Variants in PPM1H observed in about 807,000 individuals in gnomAD.
PPM1H encodes protein phosphatase, Mg2+/Mn2+ dependent 1H.
In PPM1H, 27 loss-of-function variants were observed where a neutral mutation model predicts 54.9. The observed-to-expected ratio is 0.49, with a 90% CI of 0.36 to 0.68. PPM1H has a LOEUF of 0.68. Ranked by LOEUF, PPM1H falls within the 30% of genes least tolerant of loss-of-function variation. The probability of loss-of-function intolerance (pLI) is 0.00; values close to 1 mark genes in which losing one functional copy is unlikely to be tolerated. For synonymous variants in PPM1H, 305 were observed against 270.8 expected (o/e 1.13, Z -1.24); for missense variants, 596 against 667.8 (o/e 0.89, Z 1.19).
At chr12:62,823,544 T>C (rs1365532442) in intron 2 of PPM1H, among the ~76,000 whole-genome samples, 2 of 152,186 alleles carry the variant, frequency 1.3e-5, no homozygotes, top group African/African-American at 2.4e-5. Context: ...AAAAAGCTTA[T>C]CCACCATGAT....
chr12:62,792,581 C>T (rs1034974791), intron 3 of PPM1H, among the ~76,000 whole-genome samples: 7 of 152,208 alleles, frequency 4.6e-5, no homozygotes, highest in Non-Finnish European at 8.8e-5. Flanking sequence ...TCTCTGGGAT[C>T]ATGGTGGGAA....
intron 2 of PPM1H, among the ~76,000 whole-genome samples, chr12:62,824,457 A>G (rs2120828437): frequency 6.6e-6 from 1 of 152,354 alleles, no homozygotes; most frequent in South Asian, 2.1e-4. Context: ...ATCCTAAGCA[A>G]AAAGAACAAA....
intron 4 of PPM1H, among the ~76,000 whole-genome samples, chr12:62,737,918 G>A (rs2076359527): frequency 6.6e-6 from 1 of 152,190 alleles, no homozygotes; most frequent in African/African-American, 2.4e-5. Context: ...TGATGCAACA[G>A]AGTCTTGCTC....
At chr12:62,867,382 C>G (rs1395632962) in intron 1 of PPM1H, among the ~76,000 whole-genome samples, 1 of 151,992 alleles carries the variant, frequency 6.6e-6, no homozygotes, top group Non-Finnish European at 1.5e-5. Flanking sequence ...TTTAAACTTT[C>G]CCCTTTGATT....
chr12:62,872,714 C>T (rs1870028610), intron 1 of PPM1H, among the ~76,000 whole-genome samples: 1 of 152,078 alleles, frequency 6.6e-6, no homozygotes, highest in South Asian at 2.1e-4. Context: ...TACCCTTAGA[C>T]CAATCAGGAT....
At chr12:62,817,938 T>C (rs1243705662) in intron 2 of PPM1H, among the ~76,000 whole-genome samples, 1 of 152,176 alleles carries the variant, frequency 6.6e-6, no homozygotes, top group Non-Finnish European at 1.5e-5. Context: ...GTTATTGTAA[T>C]TAGACACTGA....
At chr12:62,707,622 T>C (rs1395098858) in intron 6 of PPM1H, among the ~76,000 whole-genome samples, 1 of 152,172 alleles carries the variant, frequency 6.6e-6, no homozygotes. Flanking sequence ...GCAGATAAAA[T>C]AGACCCTGAA....
chr12:62,750,668 C>A (rs1383789869), intron 4 of PPM1H, among the ~76,000 whole-genome samples: 2 of 152,166 alleles, frequency 1.3e-5, no homozygotes, highest in Admixed American at 6.5e-5. Context: ...GTAACCTTAA[C>A]TTTCTGAAGA....
intron 3 of PPM1H, among the ~76,000 whole-genome samples, chr12:62,792,453 T>TC (rs900436421): frequency 6.6e-6 from 1 of 152,234 alleles, no homozygotes; most frequent in African/African-American, 2.4e-5. Flanking sequence ...TACTTTTTAA[T>TC]CCAAGAAACT....
intron 1 of PPM1H, among the ~76,000 whole-genome samples, chr12:62,921,333 AAATGTCT>A (rs1366136955): frequency 1.3e-5 from 2 of 152,162 alleles, no homozygotes; most frequent in Non-Finnish European, 2.9e-5. Flanking sequence ...TTAATAGCTT[AAATGTCT>A]ATTTATCAAC....
intron 4 of PPM1H, among the ~76,000 whole-genome samples, chr12:62,774,492 C>T (rs2076598250): frequency 6.6e-6 from 1 of 152,260 alleles, no homozygotes; most frequent in African/African-American, 2.4e-5. Context: ...CAGGTGTGTG[C>T]CACCACATCT....
intron 5 of PPM1H, among the ~76,000 whole-genome samples, chr12:62,734,557 A>G (rs2076340714): frequency 2.6e-5 from 4 of 152,212 alleles, no homozygotes; most frequent in African/African-American, 4.8e-5. Flanking sequence ...CCCAAAATAT[A>G]CCGCTGACAT....
intron 4 of PPM1H, chr12:62,755,968 C>A: frequency 9.6e-7 from 1 of 1,045,632 alleles, no homozygotes; most frequent in Non-Finnish European, 1.5e-6. Context: ...GCCTGAACTG[C>A]TGTCTGGAAA....
chr12:62,753,827 G>C (rs898255802), intron 4 of PPM1H, among the ~76,000 whole-genome samples: 6 of 152,156 alleles, frequency 3.9e-5, no homozygotes, highest in Non-Finnish European at 8.8e-5. Flanking sequence ...ATCAGGGCGG[G>C]CTCCCACTAA....
chr12:62,893,327 G>A (rs866769932), intron 1 of PPM1H, among the ~76,000 whole-genome samples: 14 of 152,138 alleles, frequency 9.2e-5, no homozygotes, highest in South Asian at 2.1e-4. Context: ...TGTCAGCAGA[G>A]TTTATTTCTT....
At chr12:62,925,766 T>C (rs1433256604) in intron 1 of PPM1H, among the ~76,000 whole-genome samples, 2 of 152,198 alleles carry the variant, frequency 1.3e-5, no homozygotes, top group East Asian at 3.8e-4. Context: ...ATCCCTTCTA[T>C]GGCATTTTTG....
chr12:62,866,428 T>C (rs1199486616), intron 1 of PPM1H, among the ~76,000 whole-genome samples: 2 of 152,160 alleles, frequency 1.3e-5, no homozygotes. Context: ...TGCATCTAGT[T>C]TATAAAATAT....
At chr12:62,874,628 C>A (rs772670679) in intron 1 of PPM1H, among the ~76,000 whole-genome samples, 1 of 152,134 alleles carries the variant, frequency 6.6e-6, no homozygotes, top group African/African-American at 2.4e-5. Context: ...TAGGACACAG[C>A]TGAATCAAGA....
At chr12:62,814,121 CCAAGCTGGAGTG>C (rs2076851787) in intron 2 of PPM1H, among the ~76,000 whole-genome samples, 1 of 152,076 alleles carries the variant, frequency 6.6e-6, no homozygotes, top group Non-Finnish European at 1.5e-5. Context: ...GCTCTGTCAC[CCAAGCTGGAGTG>C]CAGTGGCATG....
Sources: gnomAD v4.1 joint callset for allele counts (sites outside exome capture counted in the v4.1 genomes callset) on GRCh38, gnomAD v4.1.1 for gene constraint, MANE v1.5 for transcripts, NCBI Gene and HGNC (gene_info 2026-07-23, HGNC 2026-07-21) for gene names.